Variants in FLRT2 observed in about 807,000 individuals in gnomAD.
FLRT2 encodes the protein fibronectin leucine rich transmembrane protein 2.
FLRT2 carries 15 observed loss-of-function variants against 40.0 expected under a neutral mutation model. That is an observed-to-expected ratio of 0.38 (90% confidence interval 0.25 to 0.58). The LOEUF is 0.58. FLRT2 is among the 20% of genes least tolerant of loss of function. The pLI, the probability that FLRT2 is intolerant of heterozygous loss-of-function variation, is 0.71. For missense variants in FLRT2, 726 were observed against 840.0 expected (o/e 0.86, Z 1.68); for synonymous variants, 380 against 336.8 (o/e 1.13, Z -1.41).
In FLRT2 at chr14:85,631,274, A is replaced by G. The variant is rs754739759; in HGVS notation, c.*7777A>G. 4 of 151,518 alleles carry G rather than the reference A, an allele frequency of 2.6e-5. No individual in the cohort carries two copies. Among genetic ancestry groups the G allele is most frequent in the Non-Finnish European group, 4.4e-5 (3 of 67,978 alleles). 9.4% of individuals were successfully genotyped at this position (151,518 alleles called of 1,614,324 possible). On this transcript the variant is annotated 3_prime_UTR_variant, in exon 2 of 2. Coordinates refer to ENST00000330753, the MANE Select transcript of FLRT2 (RefSeq NM_013231.6). ...TTGTCCTTTAAGATACAAGTCAAAG[A>G]CCTCTCTTCCAAAGCCGCTGGAATC...
chr14:85,573,217 T>A (rs1890974933), intron 1 of FLRT2, among the ~76,000 whole-genome samples: 1 of 151,928 alleles, frequency 6.6e-6, no homozygotes, highest in Non-Finnish European at 1.5e-5. Flanking sequence ...AAAATCCTGC[T>A]AAGAGAGGGA....
At position 85,622,762 on chromosome 14, in the gene FLRT2, A is replaced by G. The variant is rs1299188167; in HGVS notation, c.1248A>G (p.Arg416=). 1.9e-6 allele frequency: 3 copies of G among 1,614,126 alleles called. No individual in the cohort carries two copies. The highest frequency in any genetic ancestry group is 2.5e-6 in the Non-Finnish European group (3 of 1,180,030). Residue 416 remains arginine (R), a synonymous_variant, in exon 2 of 2, where the codon AGA becomes AGG. Coordinates refer to ENST00000330753, the MANE Select transcript of FLRT2 (RefSeq NM_013231.6). ...TTCCTGACTGGGATGGCAGAGAAAG[A>G]GTGACCCCACCTATTTCTGAACGGA... ...PTIPDWDGRE[R]VTPPISERIQ...
rs1893783878 is a variant in FLRT2 at position 85,628,403 on chromosome 14, G to C, written c.*4906G>C. On this transcript the variant is annotated 3_prime_UTR_variant, in exon 2 of 2. Transcript: ENST00000330753. ...AATCATCCCACCTCGATCACCCAAA[G>C]TGCTGGGAGTACAGGCAGAGGACAC... The C allele has an allele frequency of 6.6e-6, 1 of 152,062 alleles. No individual in the cohort carries two copies. Among genetic ancestry groups the C allele is most frequent in the Admixed American group, 6.6e-5 (1 of 15,260 alleles). The allele number at this position is 152,062 out of a possible 1,614,324, so 9.4% of individuals were successfully genotyped here.
intron 1 of FLRT2, among the ~76,000 whole-genome samples, chr14:85,587,391 A>C (rs1891671285): frequency 1.3e-5 from 2 of 152,104 alleles, no homozygotes; most frequent in East Asian, 1.9e-4. Flanking sequence ...ATTCCTACGC[A>C]AAAGCTACTT....
At chr14:85,618,337 C>T (rs1035985879) in intron 1 of FLRT2, among the ~76,000 whole-genome samples, 5 of 152,192 alleles carry the variant, frequency 3.3e-5, no homozygotes, top group African/African-American at 1.2e-4. Context: ...TCAGTGGTTG[C>T]TTCTATCACA....
rs780575554 is a variant in FLRT2 at position 85,635,315 on chromosome 14, C to G, written c.*11818C>G. 2 of 152,010 alleles carry G rather than the reference C, an allele frequency of 1.3e-5. No individual in the cohort carries two copies. The highest frequency in any genetic ancestry group is 2.9e-5 in the Non-Finnish European group (2 of 67,976). The allele number at this position is 152,010 out of a possible 1,614,324, so 9.4% of individuals were successfully genotyped here. ...TTCACTTCAGTGGTTGGCATATATT[C>G]AAACCCATTATGGCTGAAAAATTAC... is the stretch of plus-strand genomic sequence containing the variant. On this transcript the variant is annotated 3_prime_UTR_variant, in exon 2 of 2. Coordinates refer to ENST00000330753, the MANE Select transcript of FLRT2 (RefSeq NM_013231.6).
rs1343482047 is a variant in FLRT2, at chr14:85,639,712, A to C, written c.*16215A>C. 6.6e-6 allele frequency: 1 copy of C among 152,176 alleles called. No homozygotes were observed. Among genetic ancestry groups the C allele is most frequent in the Non-Finnish European group, 1.5e-5 (1 of 68,042 alleles). The allele number at this position is 152,176 out of a possible 1,614,324, so 9.4% of individuals were successfully genotyped here. ...TAAAGATGGAAACACTGAAGCCCCC[A>C]GAAAGGACTGGCTAAGCTCTTACAA... is the stretch of plus-strand genomic sequence containing the variant. On this transcript the variant is annotated 3_prime_UTR_variant, in exon 2 of 2. Transcript: ENST00000330753.
At chr14:85,561,943 A>G (rs1890353466) in intron 1 of FLRT2, among the ~76,000 whole-genome samples, 1 of 152,162 alleles carries the variant, frequency 6.6e-6, no homozygotes, top group South Asian at 2.1e-4. Context: ...AGAGCTTCTC[A>G]TCCTCACATC....
rs554860696 is a variant in FLRT2, at chr14:85,611,905, C to T, written c.-376-9234C>T. The stretch of plus-strand genomic sequence containing the variant: ...TGAGGGGAGAGAGAGAGAGAGCGCG[C>T]GTGCGCGAAAGCGTGTGTGTGTGTG... On this transcript the variant is annotated intron_variant, in intron 1 of 1. Transcript: ENST00000330753. Among the ~76,000 whole-genome samples, 113 of 143,476 alleles carry T rather than the reference C, an allele frequency of 7.9e-4. 1 individual carries two copies. Among genetic ancestry groups the T allele is most frequent in the African/African-American group, 2.7e-3 (106 of 39,214 alleles). 94.1% of individuals were successfully genotyped at this position (143,476 alleles called of 152,430 possible).
intron 1 of FLRT2, among the ~76,000 whole-genome samples, chr14:85,564,159 T>C (rs1890506600): frequency 6.6e-6 from 1 of 152,212 alleles, no homozygotes; most frequent in African/African-American, 2.4e-5. Flanking sequence ...CTTGGCTACC[T>C]GCTCTTCTCT....
rs1438545967 is a variant in FLRT2 at position 85,652,718 on chromosome 14, A to G, written c.*29221A>G. The G allele has an allele frequency of 6.6e-6, 1 of 152,188 alleles. No homozygotes were observed. Among genetic ancestry groups the G allele is most frequent in the Non-Finnish European group, 1.5e-5 (1 of 68,034 alleles). The allele number at this position is 152,188 out of a possible 1,614,324, so 9.4% of individuals were successfully genotyped here. On this transcript the variant is annotated 3_prime_UTR_variant, in exon 2 of 2. Coordinates refer to ENST00000330753, the MANE Select transcript of FLRT2 (RefSeq NM_013231.6). Reference sequence around the variant, plus strand: ...ATATCAATTAAGTTGCTTAGAATGAACATATAGCTGAACTAATAAGCATGA... The same window carrying G: ...ATATCAATTAAGTTGCTTAGAATGAGCATATAGCTGAACTAATAAGCATGA...
intron 1 of FLRT2, among the ~76,000 whole-genome samples, chr14:85,617,895 C>T (rs1301165958): frequency 6.6e-6 from 1 of 152,198 alleles, no homozygotes; most frequent in Non-Finnish European, 1.5e-5. Flanking sequence ...GGTATATGAA[C>T]AGTGACAGTT....
chr14:85,533,074 T>C (rs1888385844), intron 1 of FLRT2, among the ~76,000 whole-genome samples: 2 of 152,096 alleles, frequency 1.3e-5, no homozygotes, highest in South Asian at 2.1e-4. Flanking sequence ...CTTTGCCTCT[T>C]GGAAATCACT....
At chr14:85,579,661 C>G (rs1370592343) in intron 1 of FLRT2, among the ~76,000 whole-genome samples, 1 of 152,144 alleles carries the variant, frequency 6.6e-6, no homozygotes, top group African/African-American at 2.4e-5. Flanking sequence ...TTTGAAGATG[C>G]AAACACTGAT....
chr14:85,542,772 C>T (rs924528824), intron 1 of FLRT2, among the ~76,000 whole-genome samples: 4 of 152,132 alleles, frequency 2.6e-5, no homozygotes, highest in Non-Finnish European at 4.4e-5. Flanking sequence ...ATCTCTGAGT[C>T]CCGAAGGAAT....
intron 1 of FLRT2, among the ~76,000 whole-genome samples, chr14:85,578,027 C>T (rs1891199649): frequency 2.6e-5 from 4 of 151,018 alleles, no homozygotes; most frequent in Non-Finnish European, 4.4e-5. Flanking sequence ...CCCAATGTTT[C>T]TAATGTTGCA....
intron 1 of FLRT2, among the ~76,000 whole-genome samples, chr14:85,545,960 G>A (rs1011894748): frequency 2.0e-5 from 3 of 152,192 alleles, no homozygotes; most frequent in African/African-American, 7.2e-5. Context: ...AATTGACTGT[G>A]TTATTAATAG....
At chr14:85,541,996 C>T (rs983789388) in intron 1 of FLRT2, among the ~76,000 whole-genome samples, 2 of 152,160 alleles carry the variant, frequency 1.3e-5, no homozygotes, top group African/African-American at 4.8e-5. Context: ...TCACTTTATA[C>T]ATGACTCTTG....
rs1206022443 is a variant in FLRT2, at chr14:85,530,395, G to A, written c.-516G>A. On this transcript the variant is annotated 5_prime_UTR_variant, in exon 1 of 2. Coordinates refer to ENST00000330753, the MANE Select transcript of FLRT2 (RefSeq NM_013231.6). ...GGTGGCAGTTCTCAACGATGGGCAG[G>A]AGGGACCTCGGCGGCGACCCCTAAA... 1 of 152,612 alleles carries A rather than the reference G, an allele frequency of 6.6e-6. No individual in the cohort carries two copies. 9.5% of individuals were successfully genotyped at this position (152,612 alleles called of 1,614,324 possible).
Sources: gnomAD v4.1 joint callset for allele counts (sites outside exome capture counted in the v4.1 genomes callset) on GRCh38, gnomAD v4.1.1 for gene constraint, MANE v1.5 for transcripts, NCBI Gene and HGNC (gene_info 2026-07-23, HGNC 2026-07-21) for gene names.